Variants in AP3B1 observed in about 807,000 individuals in gnomAD.
The protein encoded by AP3B1 is adaptor related protein complex 3 subunit beta 1, also known as AP-3 complex subunit beta-1.
AP3B1 carries 61 observed loss-of-function variants against 132.5 expected under a neutral mutation model. The ratio of observed to expected loss-of-function variants is 0.46; its 90% CI spans 0.37 to 0.57. The LOEUF (loss-of-function observed/expected upper bound fraction) is 0.57, where lower values mean the gene tolerates loss of function less well. AP3B1 is among the 20% of genes least tolerant of loss of function. The pLI, the probability that AP3B1 is intolerant of heterozygous loss-of-function variation, is 0.00. For missense variants in AP3B1, 1,120 were observed against 1,289.4 expected (o/e 0.87, Z 2.01); for synonymous variants, 388 against 438.3 (o/e 0.89, Z 1.43).
intron 15 of AP3B1, among the ~76,000 whole-genome samples, chr5:78,136,584 T>C (rs928308811): frequency 6.6e-6 from 1 of 152,176 alleles, no homozygotes; most frequent in African/African-American, 2.4e-5. Flanking sequence ...CAATTTCAGA[T>C]TAACCCTCTT....
chr5:78,267,695 A>C, intron 1 of AP3B1, 100 bp from the exon 2 acceptor site: 1 of 720,538 alleles, frequency 1.4e-6, no homozygotes, highest in Non-Finnish European at 2.2e-6. Flanking sequence ...TATCATGGGC[A>C]ATGTTAAATA....
At chr5:78,261,347 A>G (rs1748082248) in intron 2 of AP3B1, among the ~76,000 whole-genome samples, 1 of 152,152 alleles carries the variant, frequency 6.6e-6, no homozygotes, top group Non-Finnish European at 1.5e-5. Flanking sequence ...CATTTTCCTA[A>G]TAATTAGTGA....
rs767470617 is a variant in AP3B1, at chr5:78,074,676, C to T, written c.2577+14717G>A. Among the ~76,000 whole-genome samples the T allele has an allele frequency of 7.2e-5, 11 of 152,126 alleles. No homozygotes were observed. In the East Asian group the frequency reaches 1.7e-3, roughly 24 times the overall value. On this transcript the variant is annotated intron_variant, in intron 22 of 26. Transcript: ENST00000255194. ...TTTAAAGATAGTTCTTCACCGGGCA[C>T]GGTGGCTCATGCCTGTAATCCCACC... is the stretch of plus-strand genomic sequence containing the variant.
At chr5:78,135,076 T>C (rs958454073) in intron 15 of AP3B1, among the ~76,000 whole-genome samples, 2 of 152,098 alleles carry the variant, frequency 1.3e-5, no homozygotes, top group African/African-American at 4.8e-5. Context: ...TTAAAGAGGC[T>C]TTGGGGGAAG....
At chr5:78,020,380 T>C (rs1747040491) in intron 25 of AP3B1, among the ~76,000 whole-genome samples, 1 of 152,236 alleles carries the variant, frequency 6.6e-6, no homozygotes, top group African/African-American at 2.4e-5. Flanking sequence ...CCCCAATTCC[T>C]GGCACTTTGA....
At chr5:78,289,056 CTT>C (rs1749400975) in intron 1 of AP3B1, among the ~76,000 whole-genome samples, 1 of 151,894 alleles carries the variant, frequency 6.6e-6, no homozygotes, top group South Asian at 2.1e-4. Context: ...CACAATGACT[CTT>C]TGAGGTAGGT....
chr5:78,002,335 T>C lies in AP3B1; in HGVS notation c.*567A>G, dbSNP rs1746221703. ...AAAATGCAAAGACAAATATGATTCA[T>C]ATGCTAGTTTATTTATCTTATTATT... On this transcript the variant is annotated 3_prime_UTR_variant, in exon 27 of 27. Coordinates refer to ENST00000255194, the MANE Select transcript of AP3B1 (RefSeq NM_003664.5). 2.9e-6 allele frequency: 1 copy of C among 340,182 alleles called. No homozygotes were observed. The highest frequency in any genetic ancestry group is 5.3e-6 in the Non-Finnish European group (1 of 190,428). 21.1% of individuals were successfully genotyped at this position (340,182 alleles called of 1,614,324 possible). A position where few individuals can be genotyped will look rare whatever the true frequency, so the allele number is the denominator to read the frequency against.
intron 7 of AP3B1, among the ~76,000 whole-genome samples, chr5:78,191,855 T>G (rs186418893): frequency 1.1e-3 from 163 of 152,318 alleles, no homozygotes; most frequent in Middle Eastern, 6.8e-3. Flanking sequence ...TGTATTCAGT[T>G]TGTGAAAATA....
chr5:78,207,237 G>A (rs146537748), intron 7 of AP3B1, among the ~76,000 whole-genome samples: 94 of 141,990 alleles, frequency 6.6e-4, no homozygotes, highest in African/African-American at 2.4e-3. Flanking sequence ...CACCTTGGGT[G>A]ACAGAACGAG....
intron 13 of AP3B1, among the ~76,000 whole-genome samples, chr5:78,158,614 T>C (rs1743252662): frequency 6.6e-6 from 1 of 152,206 alleles, no homozygotes; most frequent in Admixed American, 6.5e-5. Flanking sequence ...TGCACTGGAA[T>C]TGTATAACTT....
At position 78,216,278 on chromosome 5, in the gene AP3B1, TC is replaced by T. The variant is rs748460618; in HGVS notation, c.604-42del. The T allele has an allele frequency of 1.0e-5, 16 of 1,574,208 alleles. No individual in the cohort carries two copies. In the South Asian group the frequency reaches 1.6e-4, roughly 16 times the overall value. On this transcript the variant is annotated intron_variant, in intron 6 of 26. Transcript: ENST00000255194. Reference sequence around the variant, plus strand: ...ATAGTAACTTATTAAAAAATGTTTCTCCCCTACATCAAAGGTCTTACTCAGG... The same window carrying T: ...ATAGTAACTTATTAAAAAATGTTTCTCCCTACATCAAAGGTCTTACTCAGG...
At chr5:78,111,864 A>G (rs549480409) in intron 19 of AP3B1, among the ~76,000 whole-genome samples, 80 of 152,204 alleles carry the variant, frequency 5.3e-4, no homozygotes, top group Non-Finnish European at 1.1e-3. Flanking sequence ...CATTTACAAT[A>G]ATGAAATTAA....
chr5:78,185,612 A>G (rs1358991630), intron 7 of AP3B1, among the ~76,000 whole-genome samples: 1 of 152,198 alleles, frequency 6.6e-6, no homozygotes, highest in Non-Finnish European at 1.5e-5. Flanking sequence ...TGGTAGAAAG[A>G]TTACTTAAGG....
chr5:78,097,164 T>C (rs1750867167), intron 21 of AP3B1, among the ~76,000 whole-genome samples: 1 of 122,506 alleles, frequency 8.2e-6, no homozygotes, highest in Non-Finnish European at 1.6e-5. Flanking sequence ...GAGGGGCGCC[T>C]CTGCCCAGCT....
intron 6 of AP3B1, among the ~76,000 whole-genome samples, chr5:78,222,803 A>T (rs946010845): frequency 6.6e-6 from 1 of 152,086 alleles, no homozygotes; most frequent in Non-Finnish European, 1.5e-5. Context: ...TTTACCATAC[A>T]TTAAAAAAAA....
chr5:78,136,993 T>A (rs1752945738), intron 15 of AP3B1, among the ~76,000 whole-genome samples: 1 of 152,178 alleles, frequency 6.6e-6, no homozygotes, highest in African/African-American at 2.4e-5. Context: ...CCAGGCAGTC[T>A]ATTTACCATA....
At chr5:78,097,012 G>A (rs541126852) in intron 21 of AP3B1, among the ~76,000 whole-genome samples, 3 of 126,726 alleles carry the variant, frequency 2.4e-5, no homozygotes, top group African/African-American at 3.5e-5. Context: ...GGAGGGAGGT[G>A]GGGGGGTCAG....
chr5:78,061,968 C>T (rs1161292965), intron 22 of AP3B1, among the ~76,000 whole-genome samples: 6 of 152,214 alleles, frequency 3.9e-5, no homozygotes, highest in Admixed American at 2.6e-4. Context: ...AGCTACTGCA[C>T]CTGTATCCTT....
rs1374153539 is a variant in AP3B1, at chr5:78,175,869, A to G, written c.1041-31T>C. The G allele has an allele frequency of 2.6e-6, 4 of 1,513,410 alleles. No individual in the cohort carries two copies. The East Asian group carries it at 6.8e-5, about 26-fold the overall frequency. The allele number at this position is 1,513,410 out of a possible 1,614,324, so 93.7% of individuals were successfully genotyped here. A position where few individuals can be genotyped will look rare whatever the true frequency, so the allele number is the denominator to read the frequency against. On this transcript the variant is annotated intron_variant, in intron 9 of 26. Transcript: ENST00000255194. ...AATCAAAAGATAATTTTTACTGGGT[A>G]TATGTTCCAATGAAACATCTTTGAG... is the stretch of plus-strand genomic sequence containing the variant.
Sources: allele counts gnomAD v4.1 joint callset (sites outside exome capture counted in the v4.1 genomes callset), GRCh38; gene constraint gnomAD v4.1.1; transcripts MANE v1.5; gene names NCBI Gene and HGNC (gene_info 2026-07-23, HGNC 2026-07-21).